HYDIN: variants seen among roughly 807,000 people sequenced by gnomAD.
HYDIN encodes the protein axonemal central pair apparatus protein HYDIN.
A neutral mutation model predicts 403.9 loss-of-function variants in HYDIN; 132 were observed. The ratio of observed to expected loss-of-function variants is 0.33; its 90% CI spans 0.28 to 0.38. The LOEUF (loss-of-function observed/expected upper bound fraction) is 0.38. Among genes scored for constraint, HYDIN ranks in the 10% least tolerant of loss-of-function variants. HYDIN has a pLI of 1.00. For synonymous variants in HYDIN, 1,202 were observed against 1,891.7 expected (o/e 0.64, Z 9.46); for missense variants, 2,827 against 5,009.5 (o/e 0.56, Z 13.15).
chr16:70,850,576 C>T lies in HYDIN; in HGVS notation c.12523G>A (p.Val4175Ile). ...FNLICNVEKKVHPVTLNVKAE... is the reference protein window; with the variant it reads ...FNLICNVEKKIHPVTLNVKAE... The stretch of plus-strand genomic sequence containing the variant: ...TTGACATTTAATGTCACAGGGTGGA[C>T]TTTCTTTTCCACATTGCAGATCAAA... The change falls in exon 74 of 86, where the codon GTC (valine) becomes ATC (isoleucine). Residue 4175 changes from valine (V) to isoleucine (I), a missense_variant. By Grantham distance (29) the Val-to-Ile change is conservative. Coordinates refer to ENST00000393567, the MANE Select transcript of HYDIN (RefSeq NM_001270974.2). The T allele has an allele frequency of 6.2e-7, 1 of 1,613,820 alleles. No individual in the cohort carries two copies. Among genetic ancestry groups the T allele is most frequent in the Non-Finnish European group, 8.5e-7 (1 of 1,179,914 alleles).
At chr16:70,836,589 T>G (rs1219335587) in intron 77 of HYDIN, among the ~76,000 whole-genome samples, 1 of 152,226 alleles carries the variant, frequency 6.6e-6, no homozygotes, top group Non-Finnish European at 1.5e-5. Flanking sequence ...AAATGGTGCC[T>G]GGGTCAGGCC....
Position 70,921,228 on chromosome 16 carries a change from T to C in HYDIN, c.7159-11A>G, listed in dbSNP as rs780077019. ...GGTGAGCGGAGGAACCTAGAAGGCATGACACAGAAAAGATGCGTCAAACAG... is the reference window on the plus strand; with the variant it reads ...GGTGAGCGGAGGAACCTAGAAGGCACGACACAGAAAAGATGCGTCAAACAG... On this transcript the variant is annotated splice_polypyrimidine_tract_variant and intron_variant, in intron 45 of 85. Coordinates refer to ENST00000393567, the MANE Select transcript of HYDIN (RefSeq NM_001270974.2). 1.0e-5 allele frequency: 15 copies of C among 1,501,562 alleles called. No individual in the cohort carries two copies. In the South Asian group the frequency reaches 1.9e-4, roughly 19 times the overall value. 93.0% of individuals were successfully genotyped at this position (1,501,562 alleles called of 1,614,324 possible). A position where few individuals can be genotyped will look rare whatever the true frequency, so the allele number is the denominator to read the frequency against.
At chr16:70,861,027 T>C in intron 69 of HYDIN, 126 bp from the exon 70 acceptor site, 1 of 672,346 alleles carries the variant, frequency 1.5e-6, no homozygotes, top group East Asian at 2.7e-5. Context: ...TGGGTCTGTC[T>C]TGGTCAATAG....
intron 80 of HYDIN, 99 bp downstream of exon 80, chr16:70,832,749 G>T: frequency 1.6e-5 from 14 of 859,224 alleles, no homozygotes; most frequent in Non-Finnish European, 2.6e-5. Flanking sequence ...AGGCCTCGTG[G>T]AGGGAGGGGG....
intron 15 of HYDIN, among the ~76,000 whole-genome samples, chr16:71,065,637 A>G (rs1882380136): frequency 6.6e-6 from 1 of 152,220 alleles, no homozygotes; most frequent in South Asian, 2.1e-4. Context: ...AACCTTGGGC[A>G]AGATGCTTTC....
intron 46 of HYDIN, among the ~76,000 whole-genome samples, chr16:70,919,318 A>G (rs575448389): frequency 6.6e-6 from 1 of 151,496 alleles, no homozygotes; most frequent in African/African-American, 2.4e-5. Context: ...TCCTTTTTTT[A>G]AAAAAAAACA....
chr16:71,102,068 T>C (rs11075861), intron 10 of HYDIN, among the ~76,000 whole-genome samples: 3 of 152,114 alleles, frequency 2.0e-5, no homozygotes, highest in East Asian at 1.9e-4. Context: ...ATAATATTTA[T>C]GTAAAGTTTG....
chr16:70,998,132 G>A (rs566891116), intron 23 of HYDIN, among the ~76,000 whole-genome samples: 11 of 152,230 alleles, frequency 7.2e-5, no homozygotes, highest in African/African-American at 1.7e-4. Context: ...ATTATGTTTC[G>A]GGTACTTTGT....
chr16:71,163,989 T>C (rs1156889896), intron 5 of HYDIN, among the ~76,000 whole-genome samples: 1 of 150,074 alleles, frequency 6.7e-6, no homozygotes, highest in Non-Finnish European at 1.5e-5. Flanking sequence ...GTCATGAGTT[T>C]AAATGCAACA....
chr16:70,961,376 A>G (rs1171608293), intron 38 of HYDIN, among the ~76,000 whole-genome samples: 3 of 152,072 alleles, frequency 2.0e-5, no homozygotes, highest in East Asian at 3.9e-4. Flanking sequence ...TTAGCTCCCT[A>G]AAGATCTCCT....
At chr16:71,071,869 C>A (rs1156830547) in intron 13 of HYDIN, among the ~76,000 whole-genome samples, 1 of 152,094 alleles carries the variant, frequency 6.6e-6, no homozygotes, top group Non-Finnish European at 1.5e-5. Flanking sequence ...CTGGGGGATT[C>A]ATGGAATATT....
At chr16:71,009,386 CT>C (rs59977381) in intron 23 of HYDIN, among the ~76,000 whole-genome samples, 9,244 of 144,472 alleles carry the variant, frequency 0.064, 308 homozygotes, top group African/African-American at 0.074. Context: ...TTTTTCTTTT[CT>C]TTTTTTTTTT....
At chr16:71,219,909 G>A (rs531004221) in intron 1 of HYDIN, among the ~76,000 whole-genome samples, 23 of 152,294 alleles carry the variant, frequency 1.5e-4, no homozygotes, top group African/African-American at 5.3e-4. Flanking sequence ...GAAAGAAAAA[G>A]TTTGCCCTCA....
intron 36 of HYDIN, among the ~76,000 whole-genome samples, chr16:70,966,086 A>T (rs1469819585): frequency 6.6e-6 from 1 of 151,798 alleles, no homozygotes; most frequent in Non-Finnish European, 1.5e-5. Flanking sequence ...AACTGGGGCA[A>T]CTCCAAAGGG....
rs748124214 is a variant in HYDIN, at chr16:70,855,223, G to A, written c.12348C>T (p.Phe4116=). Residue 4116 remains phenylalanine, a synonymous_variant, in exon 73 of 86, where the codon TTC becomes TTT. Transcript: ENST00000393567. Reference sequence around the variant, plus strand: ...GGGAGTTGTCCTGGAAGGAAAAATCGAACCCCTGCTCCTCCTTGTTAATGA... The same window carrying A: ...GGGAGTTGTCCTGGAAGGAAAAATCAAACCCCTGCTCCTCCTTGTTAATGA... ...VQIINKEEQG[F]DFSFQDNSRY... The A allele has an allele frequency of 5.7e-5, 90 of 1,567,380 alleles. 8 individuals are homozygous for A. The highest frequency in any genetic ancestry group is 7.3e-5 in the Non-Finnish European group (85 of 1,161,248).
At chr16:71,150,159 A>G (rs1261968378) in intron 7 of HYDIN, among the ~76,000 whole-genome samples, 4 of 152,236 alleles carry the variant, frequency 2.6e-5, no homozygotes, top group African/African-American at 9.6e-5. Context: ...GATACAAAAT[A>G]TAAAAAAACC....
intron 53 of HYDIN, among the ~76,000 whole-genome samples, chr16:70,899,478 AG>A (rs1413437611): frequency 1.3e-5 from 2 of 150,052 alleles, no homozygotes; most frequent in African/African-American, 2.5e-5. Context: ...AGAGAGAGGA[AG>A]GGTTCTTCCC....
At chr16:71,185,182 T>G (rs1252946835) in intron 2 of HYDIN, among the ~76,000 whole-genome samples, 192 bp from the exon 3 acceptor site, 3 of 152,172 alleles carry the variant, frequency 2.0e-5, no homozygotes, top group Non-Finnish European at 4.4e-5. Context: ...TTTGAGGTCT[T>G]TGCACGGTAA....
At chr16:71,048,728 G>A (rs201460243) in intron 18 of HYDIN, among the ~76,000 whole-genome samples, 8 of 152,290 alleles carry the variant, frequency 5.3e-5, no homozygotes, top group Middle Eastern at 6.8e-3. Flanking sequence ...GAGGTGGAGG[G>A]TGGAAGGAGA....
Sources: allele counts gnomAD v4.1 joint callset (sites outside exome capture counted in the v4.1 genomes callset), GRCh38; gene constraint gnomAD v4.1.1; transcripts MANE v1.5; gene names NCBI Gene and HGNC (gene_info 2026-07-23, HGNC 2026-07-21).